The following ALPL variants were observed in gnomAD, a reference collection of about 807,000 sequenced individuals.
ALPL encodes the protein alkaline phosphatase, tissue-nonspecific isozyme.
Under a neutral mutation model 51.3 loss-of-function variants are expected in ALPL, and 42 were observed. The observed-to-expected ratio is 0.82, with a 90% CI of 0.64 to 1.06. ALPL has a LOEUF of 1.06. ALPL is among the 50% of genes least tolerant of loss of function. The pLI is 0.00. For missense variants in ALPL, 589 were observed against 709.4 expected (o/e 0.83, Z 1.93); for synonymous variants, 279 against 296.4 (o/e 0.94, Z 0.60).
At chr1:21,523,487 TG>T (rs1643904502) in intron 1 of ALPL, among the ~76,000 whole-genome samples, 1 of 152,196 alleles carries the variant, frequency 6.6e-6, no homozygotes, top group Non-Finnish European at 1.5e-5. Context: ...GGTTGGCCAC[TG>T]GCAGCAGGCC....
chr1:21,566,322 C>T (rs766050117), intron 6 of ALPL, among the ~76,000 whole-genome samples: 2 of 152,206 alleles, frequency 1.3e-5, no homozygotes, highest in Non-Finnish European at 1.5e-5. Flanking sequence ...CTCATTCTGT[C>T]TCTAAGGCTG....
chr1:21,554,679 A>G (rs1409146962), intron 2 of ALPL, among the ~76,000 whole-genome samples: 1 of 150,538 alleles, frequency 6.6e-6, no homozygotes, highest in Admixed American at 6.6e-5. Context: ...TTTAGTAGAG[A>G]TGGGGTTTCA....
At chr1:21,516,484 A>G (rs1182529752) in intron 1 of ALPL, among the ~76,000 whole-genome samples, 4 of 152,152 alleles carry the variant, frequency 2.6e-5, no homozygotes, top group South Asian at 4.1e-4. Flanking sequence ...TGTAATTACT[A>G]TTTGGTCCTA....
chr1:21,563,999 C>G, intron 5 of ALPL, 42 bp from the exon 6 acceptor site: 1 of 1,608,902 alleles, frequency 6.2e-7, no homozygotes, highest in South Asian at 1.1e-5. Flanking sequence ...TGGGACACCC[C>G]GATCTGTGGA....
intron 1 of ALPL, among the ~76,000 whole-genome samples, chr1:21,542,466 C>T (rs1436418540): frequency 6.6e-6 from 1 of 152,180 alleles, no homozygotes; most frequent in Non-Finnish European, 1.5e-5. Context: ...CTCTTTAGGC[C>T]TCAGTCTTCC....
At chr1:21,568,637 G>T (rs1289949127) in intron 7 of ALPL, among the ~76,000 whole-genome samples, 1 of 152,094 alleles carries the variant, frequency 6.6e-6, no homozygotes, top group Non-Finnish European at 1.5e-5. Flanking sequence ...AGGCGCCCTG[G>T]GGGGACAGAT....
chr1:21,513,546 G>C (rs1232594557), intron 1 of ALPL, among the ~76,000 whole-genome samples: 2 of 152,098 alleles, frequency 1.3e-5, no homozygotes, highest in Non-Finnish European at 2.9e-5. Flanking sequence ...ATATATCTGA[G>C]GAGTAGGAGT....
intron 1 of ALPL, among the ~76,000 whole-genome samples, chr1:21,526,996 A>G (rs1388514972): frequency 8.1e-6 from 1 of 124,082 alleles, no homozygotes; most frequent in East Asian, 2.1e-4. Context: ...ATTCTGAGTT[A>G]CAGATCTATG....
chr1:21,524,882 G>A (rs1015896220), intron 1 of ALPL, among the ~76,000 whole-genome samples: 1 of 152,214 alleles, frequency 6.6e-6, no homozygotes, highest in African/African-American at 2.4e-5. Context: ...TGGCGGGGCA[G>A]TCCTGGTGTC....
intron 3 of ALPL, 103 bp from the exon 4 acceptor site, chr1:21,560,994 C>T: frequency 3.4e-6 from 4 of 1,159,784 alleles, no homozygotes; most frequent in Non-Finnish European, 3.8e-6. Context: ...TGCCAACTGC[C>T]CGAGCCTGCC....
rs1177008193 is a variant in ALPL at position 21,569,213 on chromosome 1, A to G, written c.792+966A>G. Among the ~76,000 whole-genome samples the G allele has an allele frequency of 2.6e-5, 4 of 152,148 alleles. No homozygotes were observed. In the East Asian group the frequency reaches 7.7e-4, roughly 29 times the overall value. On this transcript the variant is annotated intron_variant, in intron 7 of 11. Transcript: ENST00000374840. ...CTCAGGCTGGGCCAGAGCCCCCTCCAAGCTCAAGCCAGAGAGACACCAGCC... is the reference window on the plus strand; with the variant it reads ...CTCAGGCTGGGCCAGAGCCCCCTCCGAGCTCAAGCCAGAGAGACACCAGCC...
chr1:21,568,299 G>A, intron 7 of ALPL, 52 bp downstream of exon 7: 1 of 1,612,068 alleles, frequency 6.2e-7, no homozygotes, highest in Non-Finnish European at 8.5e-7. Context: ...GATGGGGAGA[G>A]GCTGTGTGAC....
chr1:21,528,350 T>C (rs1455705130), intron 1 of ALPL, among the ~76,000 whole-genome samples: 6 of 146,258 alleles, frequency 4.1e-5, no homozygotes, highest in East Asian at 2.0e-4. Flanking sequence ...CAGTTTTTTT[T>C]TTTTTTTTTT....
At chr1:21,531,003 G>A (rs1644022808) in intron 1 of ALPL, among the ~76,000 whole-genome samples, 1 of 145,328 alleles carries the variant, frequency 6.9e-6, no homozygotes, top group Non-Finnish European at 1.5e-5. Flanking sequence ...CTGTCACCCA[G>A]GCTGGAGTGC....
Position 21,509,741 on chromosome 1 carries a change from A to G in ALPL, c.-105+224A>G, listed in dbSNP as rs1018644325. On this transcript the variant is annotated intron_variant, in intron 1 of 11. Coordinates refer to ENST00000374840, the MANE Select transcript of ALPL (RefSeq NM_000478.6). This position sits in a 1 kb window ranked among gnomAD's most constrained non-coding sequence, Gnocchi z 6.0. ...TCCCGGCGCGCGCTCTGGGCGGGAC[A>G]GGAGATTGGACGTGGCGCCCGCGGA... 2.6e-5 allele frequency among the ~76,000 whole-genome samples: 4 copies of G among 152,222 alleles called. No individual in the cohort carries two copies. Among genetic ancestry groups the G allele is most frequent in the Non-Finnish European group, 5.9e-5 (4 of 67,978 alleles).
Position 21,573,716 on chromosome 1 carries a change from C to T in ALPL, c.914C>T (p.Thr305Met), listed in dbSNP as rs146908399. ...MQYELNRNNV[T>M]DPSLSEMVVV... ...TACGAGCTGAACAGGAACAACGTGA[C>T]GGACCCGTCACTCTCCGAGATGGTG... The change falls in exon 9 of 12, where the codon ACG (threonine) becomes ATG (methionine). Residue 305 changes from threonine (T) to methionine (M), a missense_variant. Physicochemically the swap from Thr to Met is moderately conservative, Grantham distance 81 (BLOSUM62 -1). Coordinates refer to ENST00000374840, the MANE Select transcript of ALPL (RefSeq NM_000478.6). 2.7e-5 allele frequency: 43 copies of T among 1,613,948 alleles called. No individual in the cohort carries two copies. In the African/African-American group the frequency reaches 3.2e-4, roughly 12 times the overall value.
At chr1:21,539,780 G>A (rs905665884) in intron 1 of ALPL, among the ~76,000 whole-genome samples, 5 of 151,164 alleles carry the variant, frequency 3.3e-5, no homozygotes, top group African/African-American at 4.9e-5. Flanking sequence ...TCAGCCTCCC[G>A]AGTAGCTGGG....
At chr1:21,522,946 T>C (rs747259169) in intron 1 of ALPL, among the ~76,000 whole-genome samples, 3 of 152,186 alleles carry the variant, frequency 2.0e-5, no homozygotes, top group Non-Finnish European at 4.4e-5. Context: ...GAGGTAGATA[T>C]TATTGTCATT....
intron 1 of ALPL, among the ~76,000 whole-genome samples, chr1:21,512,351 A>G (rs146713088): frequency 7.2e-5 from 11 of 152,362 alleles, no homozygotes; most frequent in Non-Finnish European, 1.2e-4. Context: ...CTCATCTGCA[A>G]TATGGGTTAA....
Sources: gnomAD v4.1 joint callset for allele counts (sites outside exome capture counted in the v4.1 genomes callset) on GRCh38, gnomAD v4.1.1 for gene constraint, Gnocchi (gnomAD v3.1) non-coding constraint, MANE v1.5 for transcripts, NCBI Gene and HGNC (gene_info 2026-07-23, HGNC 2026-07-21) for gene names.